FGB: variants seen among roughly 807,000 people sequenced by gnomAD.
The protein encoded by FGB is fibrinogen beta chain, also known as beta-fibrinogen.
FGB carries 25 observed loss-of-function variants against 57.9 expected under a neutral mutation model. The observed-to-expected ratio is 0.43, with a 90% CI of 0.31 to 0.60. The LOEUF (loss-of-function observed/expected upper bound fraction) is 0.60. Ranked by LOEUF, FGB falls within the 20% of genes least tolerant of loss-of-function variation. The probability of loss-of-function intolerance (pLI) is 0.08; values close to 1 mark genes in which losing one functional copy is unlikely to be tolerated. For missense variants in FGB, 536 were observed against 598.4 expected (o/e 0.90, Z 1.09); for synonymous variants, 203 against 199.2 (o/e 1.02, Z -0.16).
chr4:154,565,366 A>G (rs1730112011), intron 1 of FGB: 1 of 295,306 alleles, frequency 3.4e-6, no homozygotes, highest in Non-Finnish European at 7.0e-6. Context: ...TGTCTCTTAA[A>G]TATGTTTATA....
chr4:154,567,481 G>GAT (rs1264086924), intron 3 of FGB, 112 bp from the exon 4 acceptor site: 2 of 709,666 alleles, frequency 2.8e-6, no homozygotes, highest in African/African-American at 3.5e-5. Flanking sequence ...ACTGCTTGGT[G>GAT]ATAGCTCAGT....
At chr4:154,566,426 A>G in intron 2 of FGB, 63 bp from the exon 3 acceptor site, 2 of 1,472,032 alleles carry the variant, frequency 1.4e-6, no homozygotes, top group Non-Finnish European at 1.9e-6. Context: ...CCTATGTGCT[A>G]TTTTAACAAA....
At position 154,567,681 on chromosome 4, in the gene FGB, T is replaced by C; in HGVS notation, c.579T>C (p.Thr193=). 1 of 1,613,822 alleles carries C rather than the reference T, an allele frequency of 6.2e-7. No individual in the cohort carries two copies. The highest frequency in any genetic ancestry group is 1.3e-5 in the African/African-American group (1 of 75,020). The change falls in exon 4 of 8, where the codon ACT becomes ACC. Residue 193 remains threonine (T), a synonymous_variant. Coordinates refer to ENST00000302068, the MANE Select transcript of FGB (RefSeq NM_005141.5). ...AGACTGTGAATAGCAATATCCCAAC[T>C]AACCTTCGTGTGCTTCGTTCAATCC... ...IDETVNSNIP[T]NLRVLRSILE... is the part of the protein sequence containing the mutation.
chr4:154,572,427 T>G lies in FGB; in HGVS notation c.*1777T>G, dbSNP rs1730465672. 6.6e-6 allele frequency among the ~76,000 whole-genome samples: 1 copy of G among 152,184 alleles called. No homozygotes were observed. Among genetic ancestry groups the G allele is most frequent in the Admixed American group, 6.5e-5 (1 of 15,278 alleles). On this transcript the variant is annotated 3_prime_UTR_variant, in exon 8 of 8. Transcript: ENST00000302068. Reference sequence around the variant, plus strand: ...GCAGTGGGCTGGACAGGACCGCTACTATTTGTAAAGAGTATGTAGTTTATA... The same window carrying G: ...GCAGTGGGCTGGACAGGACCGCTACGATTTGTAAAGAGTATGTAGTTTATA...
chr4:154,563,448 A>G (rs1730031582), intron 1 of FGB, among the ~76,000 whole-genome samples: 2 of 151,954 alleles, frequency 1.3e-5, no homozygotes, highest in African/African-American at 2.4e-5. Flanking sequence ...CAGGATTACA[A>G]TTAAGAGGAC....
intron 4 of FGB, among the ~76,000 whole-genome samples, chr4:154,568,062 G>C (rs2227413): frequency 2.6e-5 from 4 of 152,240 alleles, no homozygotes; most frequent in African/African-American, 7.2e-5. Context: ...GTGCATCTGC[G>C]TACTGGCTTG....
chr4:154,565,801 C>A lies in FGB; in HGVS notation c.115-7C>A. On this transcript the variant is annotated splice_region_variant and splice_polypyrimidine_tract_variant and intron_variant, in intron 1 of 7. Transcript: ENST00000302068. Reference sequence around the variant, plus strand: ...TCTGTATTATATTTCTGCCTCATTCCTTGTAGGGTTTCTTCAGTGCCCGTG... The same window carrying A: ...TCTGTATTATATTTCTGCCTCATTCATTGTAGGGTTTCTTCAGTGCCCGTG... 2 of 1,613,844 alleles carry A rather than the reference C, an allele frequency of 1.2e-6. No homozygotes were observed. The highest frequency in any genetic ancestry group is 1.7e-5 in the Admixed American group (1 of 60,004).
At position 154,569,456 on chromosome 4, in the gene FGB, A is replaced by G; in HGVS notation, c.959-58A>G. The G allele has an allele frequency of 3.1e-6, 5 of 1,590,124 alleles. No individual in the cohort carries two copies. The South Asian group carries it at 4.5e-5, about 14-fold the overall frequency. ...AAGCTAAAGATAAGGGAAGAAAGGCAGTTTTTAGTTTCCCAAAATTTTATT... is the reference window on the plus strand; with the variant it reads ...AAGCTAAAGATAAGGGAAGAAAGGCGGTTTTTAGTTTCCCAAAATTTTATT... On this transcript the variant is annotated intron_variant, in intron 6 of 7. Transcript: ENST00000302068.
chr4:154,565,622 G>C (rs1730122148), intron 1 of FGB, 186 bp from the exon 2 acceptor site: 1 of 612,388 alleles, frequency 1.6e-6, no homozygotes, highest in Non-Finnish European at 2.9e-6. Context: ...TTGTGCAGTT[G>C]GTCTTTCTAC....
chr4:154,566,489 G>T lies in FGB; in HGVS notation c.307G>T (p.Gly103Trp), dbSNP rs774502903. 3 of 1,613,960 alleles carry T rather than the reference G, an allele frequency of 1.9e-6. No homozygotes were observed. The highest frequency in any genetic ancestry group is 2.5e-6 in the Non-Finnish European group (3 of 1,179,946). ...TGCCTGCTATTTTCTTTGTTTTTAG[G>T]GGGTGTTGTGTCCTACAGGATGTCA... ...GGCLHADPDL[G>W]VLCPTGCQLQ... The change falls in exon 3 of 8, where the codon GGG becomes TGG. Residue 103 changes from glycine (G) to tryptophan (W), a missense_variant and splice_region_variant. This residue lies in a region of FGB where 354 missense variants were observed against 383.4 expected (regional missense o/e 0.92). Transcript: ENST00000302068.
Position 154,568,297 on chromosome 4 carries a change from TA to T in FGB, c.719-82del, listed in dbSNP as rs1298797898. 6.3e-6 allele frequency: 5 copies of T among 788,950 alleles called. No individual in the cohort carries two copies. In the East Asian group the frequency reaches 1.2e-4, roughly 19 times the overall value. The allele number at this position is 788,950 out of a possible 1,614,324, so 48.9% of individuals were successfully genotyped here. A position where few individuals can be genotyped will look rare whatever the true frequency, so the allele number is the denominator to read the frequency against. ...ATAACACACTCCTTAGTAACTTATG[TA>T]ATGTTATTTTAAAGAATTGGTGACT... On this transcript the variant is annotated intron_variant, in intron 4 of 7. Coordinates refer to ENST00000302068, the MANE Select transcript of FGB (RefSeq NM_005141.5).
At position 154,566,546 on chromosome 4, in the gene FGB, C is replaced by T. The variant is rs1284091703; in HGVS notation, c.364C>T (p.Pro122Ser). 2.5e-6 allele frequency: 4 copies of T among 1,613,902 alleles called. No homozygotes were observed. Among genetic ancestry groups the T allele is most frequent in the Non-Finnish European group, 3.4e-6 (4 of 1,179,996 alleles). Reference sequence around the variant, plus strand: ...AGAGGCTTTGCTACAACAGGAAAGGCCAATCAGAAATAGTGTTGATGAGTT... The same window carrying T: ...AGAGGCTTTGCTACAACAGGAAAGGTCAATCAGAAATAGTGTTGATGAGTT... Reference protein sequence around the residue: ...LQEALLQQERPIRNSVDELNN... With the variant: ...LQEALLQQERSIRNSVDELNN... Residue 122 changes from proline (P) to serine (S), a missense_variant, in exon 3 of 8, where the codon CCA becomes TCA. Physicochemically the swap from Pro to Ser is moderately conservative, Grantham distance 74 (BLOSUM62 -1). This residue lies in a region of FGB where 354 missense variants were observed against 383.4 expected (regional missense o/e 0.92). Transcript: ENST00000302068.
rs1730385748 is a variant in FGB, at chr4:154,570,662, T to C, written c.*12T>C. 2 of 1,600,552 alleles carry C rather than the reference T, an allele frequency of 1.2e-6. No individual in the cohort carries two copies. The highest frequency in any genetic ancestry group is 2.7e-5 in the African/African-American group (2 of 74,664). ...TCCCACAGCAATAGTCCCCAATACG[T>C]AGATTTTTGCTCTTCTGTATGTGAC... On this transcript the variant is annotated 3_prime_UTR_variant, in exon 8 of 8. Transcript: ENST00000302068.
chr4:154,568,247 G>A (rs1249700169), intron 4 of FGB, 134 bp from the exon 5 acceptor site: 1 of 684,558 alleles, frequency 1.5e-6, no homozygotes, highest in Non-Finnish European at 2.7e-6. Context: ...TCTAATATTT[G>A]TTATATTATT....
chr4:154,570,364 G>A (rs569315946), intron 7 of FGB, 55 bp from the exon 8 acceptor site: 120 of 1,376,018 alleles, frequency 8.7e-5, no homozygotes, highest in Non-Finnish European at 3.4e-5. Context: ...TCTGCAAAAC[G>A]TAACTTGACC....
In FGB at chr4:154,570,539, C is replaced by T. The variant is rs1178474014; in HGVS notation, c.1365C>T (p.Asp455=). 1.9e-6 allele frequency: 3 copies of T among 1,614,060 alleles called. No homozygotes were observed. The highest frequency in any genetic ancestry group is 2.2e-5 in the South Asian group (2 of 91,084). ...RYYWGGQYTW[D]MAKHGTDDGV... ...ACTGGGGTGGACAGTACACCTGGGA[C>T]ATGGCAAAGCATGGCACAGATGATG... The change falls in exon 8 of 8, where the codon GAC becomes GAT. Residue 455 remains aspartate (D), a synonymous_variant. Coordinates refer to ENST00000302068, the MANE Select transcript of FGB (RefSeq NM_005141.5).
chr4:154,569,911 C>T (rs1730348243), intron 7 of FGB, 112 bp downstream of exon 7: 3 of 1,121,390 alleles, frequency 2.7e-6, no homozygotes, highest in Non-Finnish European at 4.0e-6. Flanking sequence ...CTGTCAGCCA[C>T]TGTCCTAAGC....
At position 154,570,787 on chromosome 4, in the gene FGB, G is replaced by C; in HGVS notation, c.*137G>C. On this transcript the variant is annotated 3_prime_UTR_variant, in exon 8 of 8. Transcript: ENST00000302068. Reference sequence around the variant, plus strand: ...AGTGTGACTTTTTGAAAAAAGTATAGGATAAATTACATTAAAATAGCACAT... The same window carrying C: ...AGTGTGACTTTTTGAAAAAAGTATACGATAAATTACATTAAAATAGCACAT... The C allele has an allele frequency of 2.8e-6, 2 of 727,018 alleles. No individual in the cohort carries two copies. Among genetic ancestry groups the C allele is most frequent in the Non-Finnish European group, 5.0e-6 (2 of 400,396 alleles). 45.0% of individuals were successfully genotyped at this position (727,018 alleles called of 1,614,324 possible).
At chr4:154,567,919 C>T in intron 4 of FGB, 99 bp downstream of exon 4, 6 of 904,406 alleles carry the variant, frequency 6.6e-6, no homozygotes, top group Non-Finnish European at 9.1e-6. Flanking sequence ...AGTGGATTTT[C>T]CCAACAGATC....
Sources: allele counts gnomAD v4.1 joint callset (sites outside exome capture counted in the v4.1 genomes callset), GRCh38; gene constraint gnomAD v4.1.1; regional missense constraint gnomAD v4.1.1; transcripts MANE v1.5; gene names NCBI Gene and HGNC (gene_info 2026-07-23, HGNC 2026-07-21).